Variants in AOAH observed in about 807,000 individuals in gnomAD.
AOAH encodes the protein acyloxyacyl hydrolase (neutrophil).
AOAH carries 64 observed loss-of-function variants against 92.2 expected under a neutral mutation model. That is an observed-to-expected ratio of 0.69 (90% CI 0.57 to 0.86). The LOEUF is 0.86. Among genes scored for constraint, AOAH ranks in the 40% least tolerant of loss-of-function variants. The probability of loss-of-function intolerance (pLI) is 0.00; values close to 1 mark genes in which losing one functional copy is unlikely to be tolerated. For missense variants in AOAH, 656 were observed against 694.6 expected, an observed-to-expected ratio of 0.94 and a Z score of 0.62; for synonymous variants, 263 against 254.5, an observed-to-expected ratio of 1.03 and a Z score of -0.32.
chr7:36,685,323 T>C (rs1562695259), intron 2 of AOAH, among the ~76,000 whole-genome samples: 1 of 152,190 alleles, frequency 6.6e-6, no homozygotes, highest in Non-Finnish European at 1.5e-5. Context: ...GTGATAAAGC[T>C]ATAAATAAAA....
chr7:36,538,190 G>A (rs912757638), intron 16 of AOAH, among the ~76,000 whole-genome samples: 1 of 151,094 alleles, frequency 6.6e-6, no homozygotes, highest in Non-Finnish European at 1.5e-5. Flanking sequence ...ACCACACCCT[G>A]CTAATTTTTG....
intron 1 of AOAH, among the ~76,000 whole-genome samples, chr7:36,717,582 G>A (rs1015530439): frequency 5.3e-5 from 8 of 150,206 alleles, no homozygotes; most frequent in South Asian, 4.3e-4. Context: ...AGGCAGTGGC[G>A]AGGCACCGGG....
At chr7:36,618,977 A>G (rs899270163) in intron 9 of AOAH, among the ~76,000 whole-genome samples, 11 of 152,188 alleles carry the variant, frequency 7.2e-5, no homozygotes, top group African/African-American at 2.4e-4. Context: ...GGGCCTGTGA[A>G]TGGGACTGAA....
At chr7:36,660,619 G>A (rs1163426350) in intron 3 of AOAH, among the ~76,000 whole-genome samples, 1 of 152,140 alleles carries the variant, frequency 6.6e-6, no homozygotes, top group Non-Finnish European at 1.5e-5. Flanking sequence ...ACCAGGCTGG[G>A]CATATTTCTT....
rs76371980 is a variant in AOAH, at chr7:36,604,713, C to T, written c.847-10283G>A. ...ATGGAAGCTGCATGTTGAGAATGAC[C>T]TAACTTTCCCCCAGCCCTGGACTGC... On this transcript the variant is annotated intron_variant, in intron 11 of 20. Coordinates refer to ENST00000617537, the MANE Select transcript of AOAH (RefSeq NM_001637.4). Among the ~76,000 whole-genome samples, 128 of 152,288 alleles carry T rather than the reference C, an allele frequency of 8.4e-4. 2 individuals are homozygous for T. The East Asian group carries it at 0.024, about 29-fold the overall frequency.
chr7:36,543,943 C>CTTTTTT (rs1407764591), intron 15 of AOAH, among the ~76,000 whole-genome samples: 51 of 82,750 alleles, frequency 6.2e-4, no homozygotes, highest in South Asian at 1.5e-3. Context: ...TTCTTTCTTT[C>CTTTTTT]TTTCTTTTTT....
chr7:36,527,806 T>A (rs3779221), intron 19 of AOAH, among the ~76,000 whole-genome samples: 1 of 152,178 alleles, frequency 6.6e-6, no homozygotes, highest in Admixed American at 6.5e-5. Context: ...CCACACATCG[T>A]ACCCACATGG....
chr7:36,650,127 TCTTGGAAGC>T (rs1215528396), intron 4 of AOAH, among the ~76,000 whole-genome samples: 1,255 of 10,086 alleles, frequency 0.12, 14 homozygotes, highest in African/African-American at 0.41. Context: ...CCCACCACCG[TCTTGGAAGC>T]GGCCCACCAC....
intron 16 of AOAH, among the ~76,000 whole-genome samples, chr7:36,535,484 C>A (rs535395302): frequency 1.3e-5 from 2 of 152,190 alleles, no homozygotes; most frequent in African/African-American, 2.4e-5. Context: ...AATAGAAACA[C>A]CAAGGTATTT....
intron 2 of AOAH, among the ~76,000 whole-genome samples, chr7:36,678,550 AGTGTGTGTGTGTGTGTGTGTGTGTGTGT>A (rs529261307): frequency 4.6e-3 from 548 of 118,934 alleles, no homozygotes; most frequent in African/African-American, 0.015. Flanking sequence ...TAAGATAAGC[AGTGTGTGTGTGTGTGTGTGTGTGTGTGT>A]GTGTGTGTGT....
At chr7:36,709,342 T>C (rs1798619838) in intron 1 of AOAH, among the ~76,000 whole-genome samples, 1 of 152,126 alleles carries the variant, frequency 6.6e-6, no homozygotes, top group African/African-American at 2.4e-5. Context: ...CTGTTCTCAC[T>C]AACCAAGCTG....
At chr7:36,723,164 G>C (rs1799757288) in intron 1 of AOAH, among the ~76,000 whole-genome samples, 1 of 152,150 alleles carries the variant, frequency 6.6e-6, no homozygotes, top group East Asian at 1.9e-4. Context: ...TCTCAAGCTA[G>C]GATTGTATTT....
chr7:36,605,860 G>T (rs1279351947), intron 11 of AOAH, among the ~76,000 whole-genome samples: 2 of 152,154 alleles, frequency 1.3e-5, no homozygotes. Context: ...GTCTCTTGTG[G>T]CCTCACTGCT....
Position 36,559,719 on chromosome 7 carries a change from G to T in AOAH, c.1022-10244C>A, listed in dbSNP as rs577418046. 7.1e-4 allele frequency among the ~76,000 whole-genome samples: 108 copies of T among 152,140 alleles called. 1 individual carries two copies. The highest frequency in any genetic ancestry group is 3.4e-3 in the Middle Eastern group (1 of 294). On this transcript the variant is annotated intron_variant, in intron 13 of 20. Coordinates refer to ENST00000617537, the MANE Select transcript of AOAH (RefSeq NM_001637.4). ...GTTTACTCTGTTGATGGTTTCTTTT[G>T]CTGTCCAGAAGCTCTTTAATTAGGT...
intron 13 of AOAH, among the ~76,000 whole-genome samples, chr7:36,567,155 G>T (rs752379573): frequency 3.3e-5 from 5 of 152,090 alleles, no homozygotes; most frequent in African/African-American, 1.2e-4. Context: ...GCTCTAAAAC[G>T]TGTCTCTTTC....
chr7:36,679,018 A>G (rs1452395743), intron 2 of AOAH, among the ~76,000 whole-genome samples: 1 of 152,236 alleles, frequency 6.6e-6, no homozygotes, highest in Non-Finnish European at 1.5e-5. Flanking sequence ...GAGACTTGGA[A>G]CAGCATAGGA....
At position 36,656,064 on chromosome 7, in the gene AOAH, G is replaced by A. The variant is rs542426038; in HGVS notation, c.390+3102C>T. Among the ~76,000 whole-genome samples, 3 of 152,196 alleles carry A rather than the reference G, an allele frequency of 2.0e-5. 1 individual carries two copies. Among genetic ancestry groups the A allele is most frequent in the African/African-American group, 7.2e-5 (3 of 41,520 alleles). The stretch of plus-strand genomic sequence containing the variant: ...TCCAGGCAAAGGGTTGGGCTGGGGT[G>A]GAAGGTCATATTTTTCCTACAGCAA... On this transcript the variant is annotated intron_variant, in intron 4 of 20. Coordinates refer to ENST00000617537, the MANE Select transcript of AOAH (RefSeq NM_001637.4).
intron 15 of AOAH, among the ~76,000 whole-genome samples, chr7:36,541,611 GTGA>G (rs1785429587): frequency 6.6e-6 from 1 of 152,206 alleles, no homozygotes; most frequent in African/African-American, 2.4e-5. Context: ...CACCACCTGG[GTGA>G]TGAGGTAATT....
At chr7:36,581,643 A>G (rs1331646120) in intron 12 of AOAH, among the ~76,000 whole-genome samples, 1 of 152,204 alleles carries the variant, frequency 6.6e-6, no homozygotes, top group East Asian at 1.9e-4. Context: ...TCATTCTGAG[A>G]ATGGAATTTA....
Sources: allele counts gnomAD v4.1 joint callset (sites outside exome capture counted in the v4.1 genomes callset), GRCh38; gene constraint gnomAD v4.1.1; transcripts MANE v1.5; gene names NCBI Gene and HGNC (gene_info 2026-07-23, HGNC 2026-07-21).